FIG4: variants seen among roughly 807,000 people sequenced by gnomAD.
FIG4 encodes the protein polyphosphoinositide phosphatase.
FIG4 carries 112 observed loss-of-function variants against 118.6 expected under a neutral mutation model. The ratio of observed to expected loss-of-function variants is 0.94; its 90% CI spans 0.81 to 1.11. FIG4 has a LOEUF of 1.11. FIG4 is among the 50% of genes least tolerant of loss of function. The pLI is 0.00. For missense variants in FIG4, 969 were observed against 1,111.7 expected (o/e 0.87, Z 1.83); for synonymous variants, 369 against 381.2 (o/e 0.97, Z 0.37).
chr6:109,718,488 T>G (rs1257318708), intron 3 of FIG4, among the ~76,000 whole-genome samples: 1 of 152,246 alleles, frequency 6.6e-6, no homozygotes. Flanking sequence ...TATGAAAACT[T>G]TGATTATATT....
At chr6:109,750,500 G>T in intron 10 of FIG4, among the ~76,000 whole-genome samples, 1 of 151,966 alleles carries the variant, frequency 6.6e-6, no homozygotes, top group East Asian at 1.9e-4. Context: ...AGTTGAGCAT[G>T]ATGCACACCT....
chr6:109,815,496 C>CGGGGGGGG (rs58181285), intron 22 of FIG4, among the ~76,000 whole-genome samples: 1 of 106,520 alleles, frequency 9.4e-6, no homozygotes. Context: ...CTCCAGGCTG[C>CGGGGGGGG]CCCCCCCACC....
At chr6:109,738,274 A>G (rs771642978) in intron 6 of FIG4, 51 bp from the exon 7 acceptor site, 1 of 1,481,410 alleles carries the variant, frequency 6.8e-7, no homozygotes, top group Admixed American at 1.7e-5. Context: ...TTTTTAATTG[A>G]TACAAAATAT....
At chr6:109,808,202 A>G (rs1778621836) in intron 22 of FIG4, among the ~76,000 whole-genome samples, 2 of 152,032 alleles carry the variant, frequency 1.3e-5, no homozygotes, top group Admixed American at 1.3e-4. Flanking sequence ...ACATAAAGCA[A>G]AGGTCCTCAA....
At chr6:109,720,998 G>C (rs545061067) in intron 3 of FIG4, among the ~76,000 whole-genome samples, 1 of 152,246 alleles carries the variant, frequency 6.6e-6, no homozygotes, top group African/African-American at 2.4e-5. Flanking sequence ...ACTCAGTTCT[G>C]TTATCATCCC....
intron 3 of FIG4, among the ~76,000 whole-genome samples, chr6:109,720,212 G>C (rs1209567188): frequency 6.6e-6 from 1 of 152,188 alleles, no homozygotes; most frequent in Non-Finnish European, 1.5e-5. Context: ...TCCATGAAAA[G>C]TAAACAGGGA....
chr6:109,726,978 A>G (rs1375375950), intron 3 of FIG4, 131 bp from the exon 4 acceptor site: 20 of 748,056 alleles, frequency 2.7e-5, no homozygotes, highest in Non-Finnish European at 4.6e-5. Flanking sequence ...ACACCTGAAA[A>G]TTTGTATGGC....
At chr6:109,776,150 G>A (rs190648330) in intron 15 of FIG4, among the ~76,000 whole-genome samples, 4 of 152,272 alleles carry the variant, frequency 2.6e-5, no homozygotes, top group African/African-American at 9.6e-5. Context: ...TGGGATGGGT[G>A]GTTCATGAGA....
Position 109,808,373 on chromosome 6 carries a change from A to AAG in FIG4, c.2546+11528_2546+11529dup, listed in dbSNP as rs1461365375. Among the ~76,000 whole-genome samples the AAG allele has an allele frequency of 5.5e-5, 8 of 144,240 alleles. No homozygotes were observed. In the South Asian group the frequency reaches 6.8e-4, roughly 12 times the overall value. The allele number at this position is 144,240 out of a possible 152,430, so 94.6% of individuals were successfully genotyped here. ...AGCAAAAAAAAAAAAAAAAAAAAAA[A>AAG]AGAGAGAAGAAAGAAAAAAATGCCA... On this transcript the variant is annotated intron_variant, in intron 22 of 22. Transcript: ENST00000230124.
rs1229102361 is a variant in FIG4 at position 109,715,149 on chromosome 6, A to C, written c.138A>C (p.Pro46=). ...YRVLKIDRTE[P]KDLVIIDDRH... is the part of the protein sequence containing the mutation. ...TCTTGAAGATTGATAGAACAGAACCAAAAGATTTGGTCATAATTGATGACA... is the reference window on the plus strand; with the variant it reads ...TCTTGAAGATTGATAGAACAGAACCCAAAGATTTGGTCATAATTGATGACA... The change falls in exon 2 of 23, where the codon CCA becomes CCC. Residue 46 remains proline (P), a synonymous_variant. Coordinates refer to ENST00000230124, the MANE Select transcript of FIG4 (RefSeq NM_014845.6). 2 of 1,605,574 alleles carry C rather than the reference A, an allele frequency of 1.2e-6. No homozygotes were observed. Among genetic ancestry groups the C allele is most frequent in the Admixed American group, 3.3e-5 (2 of 59,984 alleles).
chr6:109,723,993 A>G (rs978065861), intron 3 of FIG4, among the ~76,000 whole-genome samples: 14 of 152,088 alleles, frequency 9.2e-5, no homozygotes, highest in Non-Finnish European at 1.6e-4. Flanking sequence ...GCTGACTCAA[A>G]TTGGTTTTTG....
intron 4 of FIG4, among the ~76,000 whole-genome samples, chr6:109,728,002 C>T (rs1274030450): frequency 1.3e-5 from 2 of 152,160 alleles, no homozygotes; most frequent in Non-Finnish European, 1.5e-5. Context: ...CACACATCCT[C>T]ACACAAAGAT....
chr6:109,709,176 A>C (rs1036043888), intron 1 of FIG4, among the ~76,000 whole-genome samples: 4 of 152,224 alleles, frequency 2.6e-5, no homozygotes, highest in Admixed American at 6.5e-5. Context: ...AATCTTCTGC[A>C]TATGGCTAGC....
chr6:109,729,075 A>T (rs1246472654), intron 4 of FIG4, among the ~76,000 whole-genome samples: 2 of 152,184 alleles, frequency 1.3e-5, no homozygotes, highest in African/African-American at 4.8e-5. Flanking sequence ...CCAATAGTGT[A>T]TCTAAGCAAA....
At chr6:109,799,862 C>A (rs1778383607) in intron 22 of FIG4, among the ~76,000 whole-genome samples, 1 of 152,148 alleles carries the variant, frequency 6.6e-6, no homozygotes, top group Admixed American at 6.5e-5. Flanking sequence ...TCAGCCCAGG[C>A]ACCCTAAGCT....
At chr6:109,804,073 G>A (rs1223533385) in intron 22 of FIG4, among the ~76,000 whole-genome samples, 3 of 152,092 alleles carry the variant, frequency 2.0e-5, no homozygotes, top group Admixed American at 1.3e-4. Context: ...TAGAGATGAA[G>A]ACTTTATGGT....
chr6:109,742,376 G>T (rs542182140), intron 8 of FIG4, among the ~76,000 whole-genome samples: 1 of 151,986 alleles, frequency 6.6e-6, no homozygotes, highest in African/African-American at 2.4e-5. Context: ...TCCATCAGCC[G>T]TGTTCTGTCC....
intron 1 of FIG4, among the ~76,000 whole-genome samples, chr6:109,695,994 A>G (rs983580043): frequency 3.3e-5 from 5 of 152,168 alleles, no homozygotes; most frequent in African/African-American, 1.2e-4. Flanking sequence ...CAAACAAGTG[A>G]ATTTTTTTCC....
intron 11 of FIG4, among the ~76,000 whole-genome samples, chr6:109,761,452 C>A (rs1339721486): frequency 6.6e-6 from 1 of 152,156 alleles, no homozygotes; most frequent in African/African-American, 2.4e-5. Flanking sequence ...GTGGCGCAAT[C>A]TCGGCTCACT....
Sources: gnomAD v4.1 joint callset for allele counts (sites outside exome capture counted in the v4.1 genomes callset) on GRCh38, gnomAD v4.1.1 for gene constraint, MANE v1.5 for transcripts, NCBI Gene and HGNC (gene_info 2026-07-23, HGNC 2026-07-21) for gene names.